Variants in MXI1 observed in about 807,000 individuals in gnomAD.
MXI1 encodes MAX interactor 1, dimerization protein, also known as max-interacting protein 1.
MXI1 carries 18 observed loss-of-function variants against 36.9 expected under a neutral mutation model. The ratio of observed to expected loss-of-function variants is 0.49; its 90% confidence interval spans 0.34 to 0.72. The LOEUF is 0.72. Ranked by LOEUF, MXI1 falls within the 30% of genes least tolerant of loss-of-function variation. MXI1 has a pLI of 0.01. For missense variants in MXI1, 304 were observed against 379.1 expected (o/e 0.80, Z 1.64); for synonymous variants, 160 against 146.7 (o/e 1.09, Z -0.65).
At chr10:110,284,796 T>TTCG in intron 5 of MXI1, 28 bp from the exon 6 acceptor site, 1 of 1,433,594 alleles carries the variant, frequency 7.0e-7, no homozygotes, top group East Asian at 2.5e-5. Context: ...ATAATTAATG[T>TTCG]TCTTCTTTTT....
At chr10:110,226,684 CGAGTGAAGGAGGGGA>C (rs1855003465) in intron 1 of MXI1, among the ~76,000 whole-genome samples, 1 of 8,746 alleles carries the variant, frequency 1.1e-4, no homozygotes. Flanking sequence ...AGGGGAGGGG[CGAGTGAAGGAGGGGA>C]GCGCGCTTGT....
At position 110,285,848 on chromosome 10, in the gene MXI1, A is replaced by G. The variant is rs753600562; in HGVS notation, c.*861A>G. The G allele has an allele frequency of 1.3e-5, 2 of 152,632 alleles. No homozygotes were observed. The highest frequency in any genetic ancestry group is 2.4e-5 in the African/African-American group (1 of 41,440). The allele number at this position is 152,632 out of a possible 1,614,324, so 9.5% of individuals were successfully genotyped here. Reference sequence around the variant, plus strand: ...AGAAGAGTTGTGCACGCAGATTAGCAGGCCAAGGTCTGAGCCACAGCAGCA... The same window carrying G: ...AGAAGAGTTGTGCACGCAGATTAGCGGGCCAAGGTCTGAGCCACAGCAGCA... On this transcript the variant is annotated 3_prime_UTR_variant, in exon 6 of 6. Transcript: ENST00000332674.
chr10:110,219,318 C>CA (rs1854737529), intron 1 of MXI1, among the ~76,000 whole-genome samples: 1 of 152,134 alleles, frequency 6.6e-6, no homozygotes, highest in Non-Finnish European at 1.5e-5. Flanking sequence ...AAAACAAAAA[C>CA]AAAAAACCCA....
At chr10:110,273,360 C>A (rs537177829) in intron 3 of MXI1, among the ~76,000 whole-genome samples, 2 of 152,064 alleles carry the variant, frequency 1.3e-5, no homozygotes. Context: ...GTTTAGCTTT[C>A]TTATTTCATG....
At chr10:110,226,201 C>A (rs1276832530) in intron 1 of MXI1, 4 of 1,473,532 alleles carry the variant, frequency 2.7e-6, no homozygotes, top group Non-Finnish European at 3.6e-6. Flanking sequence ...GGTCGCCACC[C>A]GCGGTGCCCA....
intron 2 of MXI1, among the ~76,000 whole-genome samples, chr10:110,231,880 C>T (rs1170386563): frequency 2.6e-5 from 4 of 152,172 alleles, no homozygotes; most frequent in Admixed American, 6.5e-5. Flanking sequence ...GCCTTCTTTC[C>T]TGTTACCTTC....
chr10:110,265,954 C>G (rs1321775112), intron 3 of MXI1, among the ~76,000 whole-genome samples: 1 of 152,140 alleles, frequency 6.6e-6, no homozygotes, highest in Non-Finnish European at 1.5e-5. Context: ...GTCACTTACT[C>G]TGGGGTGAAA....
chr10:110,267,634 T>A (rs1217387922), intron 3 of MXI1, among the ~76,000 whole-genome samples: 1 of 152,238 alleles, frequency 6.6e-6, no homozygotes, highest in East Asian at 1.9e-4. Context: ...TCTTTGCAGT[T>A]AAAACATTTG....
chr10:110,267,308 G>T (rs1192666156), intron 3 of MXI1, among the ~76,000 whole-genome samples: 1 of 152,170 alleles, frequency 6.6e-6, no homozygotes, highest in Non-Finnish European at 1.5e-5. Context: ...TTGCTATTGG[G>T]CTTTAGTAAG....
chr10:110,259,088 GAAAT>G (rs1856414793), intron 3 of MXI1, among the ~76,000 whole-genome samples: 2 of 152,046 alleles, frequency 1.3e-5, no homozygotes, highest in Non-Finnish European at 2.9e-5. Context: ...ATTTTGTATA[GAAAT>G]AAACAAATAA....
At chr10:110,249,534 ACAC>A (rs1279136229) in intron 3 of MXI1, among the ~76,000 whole-genome samples, 2 of 151,390 alleles carry the variant, frequency 1.3e-5, no homozygotes, top group Admixed American at 1.3e-4. Context: ...AGCCAAGATC[ACAC>A]CACTGCATTC....
intron 3 of MXI1, among the ~76,000 whole-genome samples, chr10:110,248,959 T>C (rs186610066): frequency 6.6e-6 from 1 of 152,228 alleles, no homozygotes; most frequent in Admixed American, 6.5e-5. Flanking sequence ...AGACTTAGGA[T>C]AGGGGAGGTG....
chr10:110,207,730 G>T lies in MXI1; in HGVS notation c.-79G>T. ...GGCGCCTTCTCTGCTCCAGCCGGCC[G>T]GGTCTCCCTGGGGGCCCGGAGCTCG... On this transcript the variant is annotated 5_prime_UTR_variant, in exon 1 of 6. Coordinates refer to ENST00000332674, the MANE Select transcript of MXI1 (RefSeq NM_130439.3). The T allele has an allele frequency of 1.0e-6, 1 of 997,974 alleles. No individual in the cohort carries two copies. Among genetic ancestry groups the T allele is most frequent in the South Asian group, 4.0e-5 (1 of 25,250 alleles). 61.8% of individuals were successfully genotyped at this position (997,974 alleles called of 1,614,324 possible).
intron 2 of MXI1, among the ~76,000 whole-genome samples, chr10:110,241,213 A>G (rs773157513): frequency 6.6e-6 from 1 of 151,974 alleles, no homozygotes; most frequent in Non-Finnish European, 1.5e-5. Flanking sequence ...TTCAATGATA[A>G]AATGATAGAA....
intron 1 of MXI1, among the ~76,000 whole-genome samples, chr10:110,223,809 T>A (rs990976148): frequency 6.6e-6 from 1 of 150,776 alleles, no homozygotes; most frequent in African/African-American, 2.4e-5. Flanking sequence ...CAGTCCCTTT[T>A]TGAAAGCCTT....
intron 3 of MXI1, among the ~76,000 whole-genome samples, chr10:110,278,866 G>T (rs373958750): frequency 1.3e-5 from 2 of 152,204 alleles, no homozygotes; most frequent in East Asian, 3.9e-4. Context: ...AAATACAATT[G>T]TCCTGGTATG....
At chr10:110,239,334 C>T (rs2050614937) in intron 2 of MXI1, among the ~76,000 whole-genome samples, 1 of 152,128 alleles carries the variant, frequency 6.6e-6, no homozygotes, top group Admixed American at 6.6e-5. Context: ...GTTCCTTTTT[C>T]TACTTTCTTA....
intron 2 of MXI1, among the ~76,000 whole-genome samples, chr10:110,244,227 A>C (rs1362505476): frequency 6.6e-6 from 1 of 152,130 alleles, no homozygotes; most frequent in African/African-American, 2.4e-5. Flanking sequence ...CGAGTTATCC[A>C]GTCTTGTAAA....
intron 3 of MXI1, 119 bp downstream of exon 3, chr10:110,244,976 C>G: frequency 1.0e-6 from 1 of 959,688 alleles, no homozygotes; most frequent in Non-Finnish European, 1.5e-6. Context: ...GATGTATAGC[C>G]CATTGTGAAT....
Sources: gnomAD v4.1 joint callset for allele counts (sites outside exome capture counted in the v4.1 genomes callset) on GRCh38, gnomAD v4.1.1 for gene constraint, MANE v1.5 for transcripts, NCBI Gene and HGNC (gene_info 2026-07-23, HGNC 2026-07-21) for gene names.